The following BDNF variants were observed in gnomAD, a reference collection of about 807,000 sequenced individuals.
The protein encoded by BDNF is brain derived neurotrophic factor.
In BDNF, 1 loss-of-function variant was observed where a neutral mutation model predicts 19.5. That is an observed-to-expected ratio of 0.05 (90% CI 0.02 to 0.24). BDNF has a LOEUF of 0.24. Among genes scored for constraint, BDNF ranks in the 10% least tolerant of loss-of-function variants. The probability of loss-of-function intolerance (pLI) is 1.00; values close to 1 mark genes in which losing one functional copy is unlikely to be tolerated. For missense variants in BDNF, 195 were observed against 317.6 expected (o/e 0.61, Z 2.93); for synonymous variants, 100 against 121.6 (o/e 0.82, Z 1.17).
At chr11:27,697,083 T>G (rs568707838) in intron 1 of BDNF, among the ~76,000 whole-genome samples, 1 of 149,566 alleles carries the variant, frequency 6.7e-6, no homozygotes, top group African/African-American at 2.5e-5. Context: ...TGTGTTATAT[T>G]TCACAGTTCA....
chr11:27,659,804 C>T (rs931411571), intron 1 of BDNF: 12 of 557,390 alleles, frequency 2.2e-5, no homozygotes, highest in Non-Finnish European at 2.5e-5. Context: ...TAATCTCTTC[C>T]TGTTTGCCAG....
intron 1 of BDNF, among the ~76,000 whole-genome samples, chr11:27,695,483 C>T (rs1052591183): frequency 2.6e-5 from 4 of 152,072 alleles, no homozygotes; most frequent in Admixed American, 6.5e-5. Context: ...CACAGAGGGT[C>T]GTCATAAAGT....
chr11:27,698,226 C>CAAAAAAAAAAAAAAAAAAAATAAAA (rs1859386579), intron 1 of BDNF: 1 of 80,784 alleles, frequency 1.2e-5, no homozygotes, highest in African/African-American at 4.0e-5. Flanking sequence ...GTAAATTTCC[C>CAAAAAAAAAAAAAAAAAAAATAAAA]AAAAAAAAAA....
intron 1 of BDNF, among the ~76,000 whole-genome samples, chr11:27,717,515 A>G (rs141705477): frequency 2.0e-5 from 3 of 152,202 alleles, no homozygotes; most frequent in Non-Finnish European, 4.4e-5. Context: ...TCATATTCTC[A>G]TCTGAATCAA....
At chr11:27,713,840 T>C (rs1287469302) in intron 1 of BDNF, among the ~76,000 whole-genome samples, 3 of 152,238 alleles carry the variant, frequency 2.0e-5, no homozygotes, top group Non-Finnish European at 2.9e-5. Context: ...CAAAATGTCC[T>C]ATACAAGCTA....
At chr11:27,721,406 A>T (rs758559280) in intron 1 of BDNF, 4 of 1,614,084 alleles carry the variant, frequency 2.5e-6, no homozygotes, top group Non-Finnish European at 3.4e-6. Context: ...TTTTATTGCT[A>T]CTCACCATTG....
chr11:27,701,561 G>A, upstream of BDNF: 2 of 987,094 alleles, frequency 2.0e-6, no homozygotes, highest in Non-Finnish European at 2.4e-6. Flanking sequence ...CAGAGGCAGG[G>A]AGATTTCATG....
intron 1 of BDNF, among the ~76,000 whole-genome samples, chr11:27,696,859 T>C (rs1859064894): frequency 6.6e-6 from 1 of 152,216 alleles, no homozygotes; most frequent in Non-Finnish European, 1.5e-5. Context: ...GCACCTGAAA[T>C]GGGAGTGCCT....
intron 1 of BDNF, among the ~76,000 whole-genome samples, chr11:27,668,994 G>A (rs796618860): frequency 9.2e-5 from 14 of 152,282 alleles, no homozygotes; most frequent in South Asian, 2.1e-4. Context: ...GATGAAGATC[G>A]ATGGAAAAAT....
rs968985708 is a variant in BDNF at position 27,700,147 on chromosome 11, T to G, written c.-22+17A>C. On this transcript the variant is annotated intron_variant, in intron 1 of 1. Transcript: ENST00000356660. The stretch of plus-strand genomic sequence containing the variant: ...GGGCAGCTCCTGCACCAAGCCCCAT[T>G]CCCAGCGCTTGCCTACCTCGGGGTC... 1.0e-6 allele frequency: 1 copy of G among 985,642 alleles called. No homozygotes were observed. Among genetic ancestry groups the G allele is most frequent in the African/African-American group, 1.7e-5 (1 of 57,226 alleles). 61.1% of individuals were successfully genotyped at this position (985,642 alleles called of 1,614,324 possible).
rs574350764 is a variant in BDNF, at chr11:27,657,025, G to A, written c.*796C>T. On this transcript the variant is annotated 3_prime_UTR_variant, in exon 2 of 2. Transcript: ENST00000356660. The surrounding 1 kb of genome is among the most constrained non-coding windows in gnomAD (Gnocchi z 5.0). ...TCAAAAGCAGCTTACTCTGACCAAC[G>A]CCCAAAGAATGAGCGGGGCCTGGGA... 2.8e-4 allele frequency: 280 copies of A among 985,424 alleles called. 1 individual carries two copies. In the African/African-American group the frequency reaches 4.6e-3, roughly 16 times the overall value. The allele number at this position is 985,424 out of a possible 1,614,324, so 61.0% of individuals were successfully genotyped here.
In BDNF at chr11:27,656,460, A is replaced by G. The variant is rs1852554464; in HGVS notation, c.*1361T>C. On this transcript the variant is annotated 3_prime_UTR_variant, in exon 2 of 2. Transcript: ENST00000356660. ...GCTTGACACATGTCATTCCAGAGCC[A>G]CCTCTGAAGGGTCCTTCAGAGGCCT... is the stretch of plus-strand genomic sequence containing the variant. 1.2e-6 allele frequency: 1 copy of G among 839,726 alleles called. No individual in the cohort carries two copies. The highest frequency in any genetic ancestry group is 1.8e-5 in the African/African-American group (1 of 54,092). The allele number at this position is 839,726 out of a possible 1,614,324, so 52.0% of individuals were successfully genotyped here.
At chr11:27,700,854 G>C (rs1053308368), upstream of BDNF, 8 of 1,259,310 alleles carry the variant, frequency 6.4e-6, no homozygotes, top group African/African-American at 1.1e-4. Flanking sequence ...GAGGGAGCGA[G>C]TGAGAATCGC....
At chr11:27,662,587 G>C (rs553507906) in intron 1 of BDNF, among the ~76,000 whole-genome samples, 1 of 152,256 alleles carries the variant, frequency 6.6e-6, no homozygotes, top group East Asian at 1.9e-4. Flanking sequence ...CAGGGTGGAT[G>C]GTTTTGGGAT....
intron 1 of BDNF, among the ~76,000 whole-genome samples, chr11:27,662,235 GT>G (rs1853574911): frequency 6.6e-6 from 1 of 152,108 alleles, no homozygotes; most frequent in Non-Finnish European, 1.5e-5. Context: ...CTTGTTAATT[GT>G]TAACCGTATT....
rs1362615703 is a variant in BDNF, at chr11:27,671,436, AAAAC to A, written c.-21-12855_-21-12852del. Reference sequence around the variant, plus strand: ...TGGAAATGGTGGAGAGAGAGACAGAAAAACAAATGTCACTGTAACACAGGTATTT... The same window carrying A: ...TGGAAATGGTGGAGAGAGAGACAGAAAAATGTCACTGTAACACAGGTATTT... On this transcript the variant is annotated intron_variant, in intron 1 of 1. Coordinates refer to ENST00000356660, the MANE Select transcript of BDNF (RefSeq NM_001709.5). Among the ~76,000 whole-genome samples, 4 of 152,180 alleles carry A rather than the reference AAAAC, an allele frequency of 2.6e-5. 1 individual carries two copies. Among genetic ancestry groups the A allele is most frequent in the Non-Finnish European group, 5.9e-5 (4 of 68,038 alleles).
intron 1 of BDNF, chr11:27,674,836 C>T: frequency 2.2e-6 from 2 of 929,794 alleles, no homozygotes; most frequent in South Asian, 9.9e-5. Flanking sequence ...AAATACAATA[C>T]AGTATTTGTT....
chr11:27,674,278 C>T, intron 1 of BDNF: 1 of 1,563,782 alleles, frequency 6.4e-7, no homozygotes, highest in Non-Finnish European at 8.7e-7. Flanking sequence ...CTGGTGGCTC[C>T]ACACATCCAG....
intron 1 of BDNF, among the ~76,000 whole-genome samples, chr11:27,688,997 A>G (rs1279804900): frequency 1.3e-5 from 2 of 152,112 alleles, no homozygotes; most frequent in African/African-American, 4.8e-5. Flanking sequence ...TTTCTTTTTT[A>G]AAAAAATTAA....
Sources: gnomAD v4.1 joint callset for allele counts (sites outside exome capture counted in the v4.1 genomes callset) on GRCh38, gnomAD v4.1.1 for gene constraint, Gnocchi (gnomAD v3.1) non-coding constraint, MANE v1.5 for transcripts, NCBI Gene and HGNC (gene_info 2026-07-23, HGNC 2026-07-21) for gene names.